The following PPP2R3A variants were observed in gnomAD, a reference collection of about 807,000 sequenced individuals.
The protein encoded by PPP2R3A is protein phosphatase 2 regulatory subunit B''alpha.
PPP2R3A carries 80 observed loss-of-function variants against 106.9 expected under a neutral mutation model. The ratio of observed to expected loss-of-function variants is 0.75; its 90% CI spans 0.62 to 0.90. The LOEUF is 0.90. PPP2R3A is among the 40% of genes least tolerant of loss of function. The pLI is 0.00. For missense variants in PPP2R3A, 1,386 were observed against 1,350.4 expected, an observed-to-expected ratio of 1.03 and a Z score of -0.41; for synonymous variants, 483 against 468.3, an observed-to-expected ratio of 1.03 and a Z score of -0.41.
At chr3:135,998,613 C>T (rs1411759933) in intron 1 of PPP2R3A, among the ~76,000 whole-genome samples, 2 of 152,076 alleles carry the variant, frequency 1.3e-5, no homozygotes, top group African/African-American at 4.8e-5. Context: ...TCTTTTGACT[C>T]AACATTTTAC....
At position 136,026,863 on chromosome 3, in the gene PPP2R3A, C is replaced by T. The variant is rs1934678932; in HGVS notation, c.2027C>T (p.Thr676Ile). 1 of 1,611,368 alleles carries T rather than the reference C, an allele frequency of 6.2e-7. No individual in the cohort carries two copies. Among genetic ancestry groups the T allele is most frequent in the South Asian group, 1.1e-5 (1 of 90,518 alleles). ...IQNKPEKKPG[T>I]PLPPPATSPS... ...AATAAACCAGAAAAGAAACCTGGAA[C>T]ACCACTCCCACCTCCAGCCACCTCT... The change falls in exon 3 of 14, where the codon ACA becomes ATA. Residue 676 changes from threonine to isoleucine, a missense_variant. Transcript: ENST00000264977.
At chr3:136,056,481 TAAAA>T (rs58363811) in intron 5 of PPP2R3A, among the ~76,000 whole-genome samples, 91,954 of 149,276 alleles carry the variant, frequency 0.62, 28,787 homozygotes, top group African/African-American at 0.73. Flanking sequence ...AAAACTATTC[TAAAA>T]AAAAAAAACC....
At chr3:135,986,723 T>A (rs1193987559) in intron 1 of PPP2R3A, among the ~76,000 whole-genome samples, 2 of 152,264 alleles carry the variant, frequency 1.3e-5, no homozygotes, top group East Asian at 3.9e-4. Context: ...TTCTTTCCTG[T>A]TAGTGTGAAA....
intron 13 of PPP2R3A, among the ~76,000 whole-genome samples, chr3:136,111,040 G>A (rs1237037513): frequency 6.6e-6 from 1 of 152,176 alleles, no homozygotes; most frequent in Non-Finnish European, 1.5e-5. Context: ...TTTCAGGCTT[G>A]TAAAAAGAGG....
In PPP2R3A at chr3:136,127,997, A is replaced by G. The variant is rs374443046; in HGVS notation, c.3330-17046A>G. On this transcript the variant is annotated intron_variant, in intron 13 of 13. Coordinates refer to ENST00000264977, the MANE Select transcript of PPP2R3A (RefSeq NM_002718.5). The stretch of plus-strand genomic sequence containing the variant: ...TTGTCACCACCAGGCCTGCCTTATA[A>G]GAGCTCCTGAAGGAAGCACTAAACA... 3.3e-4 allele frequency among the ~76,000 whole-genome samples: 51 copies of G among 152,342 alleles called. No homozygotes were observed. The East Asian group carries it at 7.3e-3, about 22-fold the overall frequency.
intron 6 of PPP2R3A, among the ~76,000 whole-genome samples, chr3:136,077,378 C>G (rs1440300347): frequency 6.6e-6 from 1 of 152,132 alleles, no homozygotes; most frequent in African/African-American, 2.4e-5. Flanking sequence ...AATATCTTGC[C>G]TTATTTGTTC....
chr3:136,007,501 TA>T (rs1346480730), intron 2 of PPP2R3A, among the ~76,000 whole-genome samples: 5 of 152,072 alleles, frequency 3.3e-5, no homozygotes, highest in Non-Finnish European at 7.4e-5. Flanking sequence ...CTCTAGCCTT[TA>T]ACACCTAAAA....
At chr3:136,108,810 G>A (rs1172188081) in intron 13 of PPP2R3A, among the ~76,000 whole-genome samples, 2 of 152,012 alleles carry the variant, frequency 1.3e-5, no homozygotes, top group Non-Finnish European at 2.9e-5. Context: ...ATGAAACAAT[G>A]TTTGCAACTT....
At chr3:136,018,962 C>T (rs1481402762) in intron 2 of PPP2R3A, among the ~76,000 whole-genome samples, 1 of 152,188 alleles carries the variant, frequency 6.6e-6, no homozygotes, top group African/African-American at 2.4e-5. Flanking sequence ...ACCAAGACAG[C>T]TGGATCTCAA....
chr3:136,001,845 C>A lies in PPP2R3A; in HGVS notation c.347C>A (p.Ala116Glu). 6.2e-7 allele frequency: 1 copy of A among 1,614,170 alleles called. No individual in the cohort carries two copies. The highest frequency in any genetic ancestry group is 1.1e-5 in the South Asian group (1 of 91,086). ...TYNLKDIAGE[A>E]ISFASGKIKE... ...AACTTAAAGGATATTGCAGGAGAAG[C>A]AATCAGTTTTGCCAGTGGGAAAATA... Residue 116 changes from alanine (A) to glutamate (E), a missense_variant, in exon 2 of 14, where the codon GCA becomes GAA. Transcript: ENST00000264977.
Position 136,058,911 on chromosome 3 carries a change from A to G in PPP2R3A, c.2469+9550A>G, listed in dbSNP as rs184117142. On this transcript the variant is annotated intron_variant, in intron 5 of 13. Coordinates refer to ENST00000264977, the MANE Select transcript of PPP2R3A (RefSeq NM_002718.5). Reference sequence around the variant, plus strand: ...ATTGGGAAAGGATTCCCTATTCAATAAATGGTGCTGGGATAACTGGCTAGC... The same window carrying G: ...ATTGGGAAAGGATTCCCTATTCAATGAATGGTGCTGGGATAACTGGCTAGC... 4.0e-4 allele frequency among the ~76,000 whole-genome samples: 61 copies of G among 152,370 alleles called. 1 individual carries two copies. Among genetic ancestry groups the G allele is most frequent in the African/African-American group, 1.4e-3 (60 of 41,596 alleles).
intron 6 of PPP2R3A, among the ~76,000 whole-genome samples, chr3:136,075,818 TAA>T (rs1936578110): frequency 6.6e-6 from 1 of 152,216 alleles, no homozygotes; most frequent in East Asian, 1.9e-4. Context: ...AAATGTGGTT[TAA>T]TAATATATAT....
intron 13 of PPP2R3A, among the ~76,000 whole-genome samples, chr3:136,129,704 GAC>G: frequency 6.6e-6 from 1 of 152,220 alleles, no homozygotes; most frequent in South Asian, 2.1e-4. Flanking sequence ...GCCTACCAGA[GAC>G]ACAACAAAAA....
At chr3:136,042,647 G>A (rs1935327138) in intron 4 of PPP2R3A, among the ~76,000 whole-genome samples, 1 of 152,196 alleles carries the variant, frequency 6.6e-6, no homozygotes, top group Non-Finnish European at 1.5e-5. Context: ...AAGACATGAA[G>A]TACAAGTCTC....
chr3:135,973,617 A>G (rs938832997), intron 1 of PPP2R3A, among the ~76,000 whole-genome samples: 5 of 152,168 alleles, frequency 3.3e-5, no homozygotes, highest in Admixed American at 6.5e-5. Flanking sequence ...TGTCTATTCT[A>G]GGTGTTTAAA....
intron 1 of PPP2R3A, among the ~76,000 whole-genome samples, chr3:135,970,244 A>T (rs988899716): frequency 1.3e-5 from 2 of 152,230 alleles, no homozygotes; most frequent in Non-Finnish European, 2.9e-5. Flanking sequence ...GCCCAGGAAG[A>T]GAATGAGAAG....
At chr3:136,022,855 G>T in intron 2 of PPP2R3A, 1 of 1,340,798 alleles carries the variant, frequency 7.5e-7, no homozygotes, top group Non-Finnish European at 9.5e-7. Context: ...AGCAGGTATT[G>T]GGAGCCACAG....
intron 5 of PPP2R3A, among the ~76,000 whole-genome samples, chr3:136,064,162 A>C (rs1271404902): frequency 9.9e-5 from 15 of 151,428 alleles, no homozygotes; most frequent in East Asian, 3.9e-4. Context: ...CAAACTATCA[A>C]AAGGACAAAA....
chr3:136,071,462 T>C (rs939493104), intron 6 of PPP2R3A, among the ~76,000 whole-genome samples: 17 of 152,372 alleles, frequency 1.1e-4, no homozygotes, highest in African/African-American at 3.8e-4. Flanking sequence ...GTCACTGTTA[T>C]CTAAGACAAT....
Sources: gnomAD v4.1 joint callset for allele counts (sites outside exome capture counted in the v4.1 genomes callset) on GRCh38, gnomAD v4.1.1 for gene constraint, MANE v1.5 for transcripts, NCBI Gene and HGNC (gene_info 2026-07-23, HGNC 2026-07-21) for gene names.